The following STARD4 variants were observed in gnomAD, a reference collection of about 807,000 sequenced individuals.
STARD4 encodes the protein StAR related lipid transfer domain containing 4, also known as stAR-related lipid transfer protein 4.
STARD4 carries 33 observed loss-of-function variants against 24.9 expected under a neutral mutation model. The observed-to-expected ratio is 1.32, with a 90% CI of 1.00 to 1.77. The LOEUF is 1.77. Ranked by LOEUF, STARD4 falls within the 40% of genes most tolerant of loss-of-function variation. STARD4 has a pLI of 0.00. For synonymous variants in STARD4, 88 were observed against 77.4 expected, an observed-to-expected ratio of 1.14 and a Z score of -0.72; for missense variants, 238 against 249.3, an observed-to-expected ratio of 0.95 and a Z score of 0.31.
In STARD4 at chr5:111,497,798, CAT is replaced by C. The variant is rs1756180384; in HGVS notation, c.*2086_*2087del. The C allele has an allele frequency of 6.6e-6, 1 of 152,080 alleles. No homozygotes were observed. The highest frequency in any genetic ancestry group is 2.1e-4 in the South Asian group (1 of 4,820). 9.4% of individuals were successfully genotyped at this position (152,080 alleles called of 1,614,324 possible). On this transcript the variant is annotated 3_prime_UTR_variant, in exon 6 of 6. Transcript: ENST00000296632. ...TTTTTATCATTATAGTATGAGATAA[CAT>C]ATTTAATACATGATCACAAGATTCC...
rs1756940392 is a variant in STARD4 at position 111,507,353 on chromosome 5, A to T, written c.81T>A (p.Asp27Glu). 2 of 1,613,032 alleles carry T rather than the reference A, an allele frequency of 1.2e-6. No individual in the cohort carries two copies. The highest frequency in any genetic ancestry group is 2.7e-5 in the African/African-American group (2 of 74,902). ...CCGTTTTCTTAGCAACTCGCCACTT[A>T]TCTTCTTCAATGCTATGGTACTGGA... ...TLIQYHSIEE[D>E]KWRVAKKTKD... The change falls in exon 2 of 6, where the codon GAT becomes GAA. Residue 27 changes from aspartate (D) to glutamate (E), a missense_variant. By Grantham distance (45) the Asp-to-Glu change is conservative (BLOSUM62 2). Transcript: ENST00000296632. This position sits in a 1 kb window ranked among gnomAD's most constrained non-coding sequence, Gnocchi z 4.4.
intron 3 of STARD4, chr5:111,506,087 G>A (rs1477573990): frequency 3.9e-5 from 9 of 229,948 alleles, no homozygotes; most frequent in Admixed American, 2.9e-4. Flanking sequence ...CGAGCTACTC[G>A]GGAGGCTGAG....
intron 3 of STARD4, 75 bp from the exon 4 acceptor site, chr5:111,502,163 C>A (rs1580848720): frequency 6.6e-7 from 1 of 1,507,546 alleles, no homozygotes; most frequent in Non-Finnish European, 8.9e-7. Context: ...GCATAGCTAA[C>A]TTTGAAAGTA....
chr5:111,509,202 A>G (rs1757072440), intron 1 of STARD4, among the ~76,000 whole-genome samples: 1 of 152,162 alleles, frequency 6.6e-6, no homozygotes, highest in Admixed American at 6.5e-5. Context: ...TTTATCTATT[A>G]CAGGGATCAC....
chr5:111,504,074 G>A lies in STARD4; in HGVS notation c.156-1986C>T, dbSNP rs544838384. On this transcript the variant is annotated intron_variant, in intron 3 of 5. Transcript: ENST00000296632. ...TCAGACTGACAGAGATTAAAAACTC[G>A]TAAGTAGTGAATGGAGGGGGATGAG... 4.6e-5 allele frequency among the ~76,000 whole-genome samples: 7 copies of A among 152,260 alleles called. No homozygotes were observed. In the South Asian group the frequency reaches 6.2e-4, roughly 14 times the overall value.
chr5:111,505,030 A>G (rs761024017), intron 3 of STARD4: 1 of 454,534 alleles, frequency 2.2e-6, no homozygotes, highest in South Asian at 1.6e-5. Flanking sequence ...TTGATCACAT[A>G]TCCCTTTAAG....
rs570263940 is a variant in STARD4 at position 111,507,665 on chromosome 5, CA to C, written c.-9-224del. On this transcript the variant is annotated intron_variant, in intron 1 of 5. Coordinates refer to ENST00000296632, the MANE Select transcript of STARD4 (RefSeq NM_139164.3). The surrounding 1 kb of genome is among the most constrained non-coding windows in gnomAD (Gnocchi z 4.4). The stretch of plus-strand genomic sequence containing the variant: ...AACCCATAGCCAGAGGTGAGAATTA[CA>C]TATTTTTTACAATTAAAATCACTCA... 3.3e-5 allele frequency among the ~76,000 whole-genome samples: 5 copies of C among 152,220 alleles called. No homozygotes were observed. The East Asian group carries it at 7.7e-4, about 23-fold the overall frequency.
chr5:111,506,415 A>G (rs372000637), intron 2 of STARD4, 36 bp from the exon 3 acceptor site: 3 of 1,084,146 alleles, frequency 2.8e-6, no homozygotes, highest in Middle Eastern at 2.2e-4. Context: ...TAATAATTGC[A>G]TAGGTGGAAC....
intron 3 of STARD4, among the ~76,000 whole-genome samples, chr5:111,502,442 C>G (rs1273424442): frequency 6.7e-6 from 1 of 150,348 alleles, no homozygotes; most frequent in Non-Finnish European, 1.5e-5. Flanking sequence ...GCACTCCAGC[C>G]TAGGTGACGG....
In STARD4 at chr5:111,496,166, A is replaced by G. The variant is rs1378369273; in HGVS notation, c.*3720T>C. 2 of 152,068 alleles carry G rather than the reference A, an allele frequency of 1.3e-5. No homozygotes were observed. The highest frequency in any genetic ancestry group is 2.9e-5 in the Non-Finnish European group (2 of 67,966). The allele number at this position is 152,068 out of a possible 1,614,324, so 9.4% of individuals were successfully genotyped here. Reference sequence around the variant, plus strand: ...ACATATTGGTTCACAAAAGAATTATATAAACTTCTTAAAAATAAAATCTAT... The same window carrying G: ...ACATATTGGTTCACAAAAGAATTATGTAAACTTCTTAAAAATAAAATCTAT... On this transcript the variant is annotated 3_prime_UTR_variant, in exon 6 of 6. Coordinates refer to ENST00000296632, the MANE Select transcript of STARD4 (RefSeq NM_139164.3).
At chr5:111,501,237 A>G (rs1296413282) in intron 4 of STARD4, 121 bp from the exon 5 acceptor site, 3 of 1,067,404 alleles carry the variant, frequency 2.8e-6, no homozygotes, top group Admixed American at 6.7e-5. Flanking sequence ...AATTATAATA[A>G]TTCTTACACT....
intron 1 of STARD4, among the ~76,000 whole-genome samples, chr5:111,509,631 G>A (rs977928): frequency 0.023 from 3,475 of 151,998 alleles, 148 homozygotes; most frequent in African/African-American, 0.08. Flanking sequence ...ATCTTCTCCC[G>A]TTTAACTGTA....
chr5:111,506,277 T>C, intron 3 of STARD4, 53 bp downstream of exon 3: 1 of 939,118 alleles, frequency 1.1e-6, no homozygotes, highest in Non-Finnish European at 1.6e-6. Flanking sequence ...TGACAATGGA[T>C]ATAAGTTTTG....
chr5:111,505,899 C>T (rs1191248395), intron 3 of STARD4, among the ~76,000 whole-genome samples: 3 of 151,930 alleles, frequency 2.0e-5, no homozygotes, highest in Non-Finnish European at 2.9e-5. Context: ...AATTTGCTTT[C>T]CGGAAAGTTA....
In STARD4 at chr5:111,498,595, A is replaced by T. The variant is rs913221663; in HGVS notation, c.*1291T>A. 15 of 151,720 alleles carry T rather than the reference A, an allele frequency of 9.9e-5. No homozygotes were observed. Among genetic ancestry groups the T allele is most frequent in the African/African-American group, 3.6e-4 (15 of 41,328 alleles). The allele number at this position is 151,720 out of a possible 1,614,324, so 9.4% of individuals were successfully genotyped here. A position where few individuals can be genotyped will look rare whatever the true frequency, so the allele number is the denominator to read the frequency against. On this transcript the variant is annotated 3_prime_UTR_variant, in exon 6 of 6. Transcript: ENST00000296632. The stretch of plus-strand genomic sequence containing the variant: ...AGTTTTCTTTCACTATTGCAGAACA[A>T]AAAAAAAGAAGAAACCTAGTAATTC...
At chr5:111,500,209 C>A in intron 5 of STARD4, 103 bp from the exon 6 acceptor site, 4 of 1,389,482 alleles carry the variant, frequency 2.9e-6, no homozygotes, top group Middle Eastern at 2.7e-4. Context: ...TTATTATTAT[C>A]CATATAGATG....
intron 5 of STARD4, chr5:111,500,435 C>T: frequency 9.3e-7 from 1 of 1,070,792 alleles, no homozygotes; most frequent in Non-Finnish European, 1.1e-6. Flanking sequence ...CGTAACTATT[C>T]CCCACAGCGA....
intron 5 of STARD4, 191 bp from the exon 6 acceptor site, chr5:111,500,297 T>C (rs892964160): frequency 9.8e-6 from 13 of 1,329,774 alleles, no homozygotes; most frequent in Admixed American, 3.5e-5. Context: ...GGTTGGCAGA[T>C]AGGTAATGGG....
chr5:111,508,583 C>A (rs542891741), intron 1 of STARD4, among the ~76,000 whole-genome samples: 30 of 152,284 alleles, frequency 2.0e-4, no homozygotes, highest in Non-Finnish European at 3.7e-4. Context: ...TAAATGAAAT[C>A]TCCTAATCTA....
Sources: allele counts gnomAD v4.1 joint callset (sites outside exome capture counted in the v4.1 genomes callset), GRCh38; gene constraint gnomAD v4.1.1; non-coding constraint Gnocchi (gnomAD v3.1); transcripts MANE v1.5; gene names NCBI Gene and HGNC (gene_info 2026-07-23, HGNC 2026-07-21).